ZNF2: variants seen among roughly 807,000 people sequenced by gnomAD.
ZNF2 encodes zinc finger protein 2.2.
In ZNF2, 12 loss-of-function variants were observed where a neutral mutation model predicts 21.9. That is an observed-to-expected ratio of 0.55 (90% CI 0.35 to 0.89). ZNF2 has a LOEUF of 0.89. Ranked by LOEUF, ZNF2 falls within the 40% of genes least tolerant of loss-of-function variation. The pLI is 0.01. For missense variants in ZNF2, 462 were observed against 544.2 expected, an observed-to-expected ratio of 0.85 and a Z score of 1.50; for synonymous variants, 186 against 196.3, an observed-to-expected ratio of 0.95 and a Z score of 0.44.
chr2:95,181,458 C>T lies in ZNF2; in HGVS notation c.630C>T (p.Phe210=), dbSNP rs747317826. 2 of 1,614,028 alleles carry T rather than the reference C, an allele frequency of 1.2e-6. No individual in the cohort carries two copies. Among genetic ancestry groups the T allele is most frequent in the Non-Finnish European group, 1.7e-6 (2 of 1,179,984 alleles). Residue 210 remains phenylalanine, a synonymous_variant, in exon 5 of 5, where the codon TTC becomes TTT. Transcript: ENST00000614034. The part of the protein sequence containing the change: ...PYDCRECGKA[F]SHRSSLSRHL... ...ACTGCCGCGAGTGTGGGAAAGCCTT[C>T]AGCCACAGGAGCAGCCTCAGCAGAC...
At chr2:95,173,232 T>C (rs145239291) in intron 1 of ZNF2, among the ~76,000 whole-genome samples, 17 of 152,150 alleles carry the variant, frequency 1.1e-4, no homozygotes, top group African/African-American at 9.6e-5. Flanking sequence ...ATGTATAATA[T>C]TCATATATAA....
intron 4 of ZNF2, among the ~76,000 whole-genome samples, 162 bp downstream of exon 4, chr2:95,180,434 T>TA (rs1266684174): frequency 3.3e-5 from 5 of 152,194 alleles, no homozygotes; most frequent in Non-Finnish European, 1.5e-5. Context: ...CTCTACACCT[T>TA]AACGTGTTAT....
Position 95,177,615 on chromosome 2 carries a change from G to A in ZNF2, c.160+6G>A, listed in dbSNP as rs1397414150. On this transcript the variant is annotated splice_donor_region_variant and intron_variant, in intron 3 of 4. Coordinates refer to ENST00000614034, the MANE Select transcript of ZNF2 (RefSeq NM_021088.4). ...TAACAGCATTGTGTCATTGGGTAAG[G>A]GGAGCCTCCATGAGGAGGTACAGTC... 4 of 1,613,182 alleles carry A rather than the reference G, an allele frequency of 2.5e-6. No individual in the cohort carries two copies. The highest frequency in any genetic ancestry group is 3.4e-6 in the Non-Finnish European group (4 of 1,179,638).
intron 1 of ZNF2, among the ~76,000 whole-genome samples, chr2:95,172,747 C>G (rs1674321371): frequency 6.6e-6 from 1 of 151,714 alleles, no homozygotes; most frequent in South Asian, 2.1e-4. Context: ...AGCAATTCTC[C>G]TGCCTCAGCC....
At chr2:95,174,947 T>C (rs1246061119) in intron 1 of ZNF2, among the ~76,000 whole-genome samples, 2 of 152,206 alleles carry the variant, frequency 1.3e-5, no homozygotes, top group Non-Finnish European at 2.9e-5. Context: ...ACCGCAAATA[T>C]GCCTTTTCCT....
chr2:95,179,201 A>T (rs889021398), intron 3 of ZNF2, among the ~76,000 whole-genome samples: 1 of 152,142 alleles, frequency 6.6e-6, no homozygotes, highest in African/African-American at 2.4e-5. Context: ...CATGTTGGCC[A>T]GGCTGGTCTT....
Position 95,182,028 on chromosome 2 carries a change from T to A in ZNF2, c.1200T>A (p.Thr400=). The A allele has an allele frequency of 6.2e-7, 1 of 1,614,112 alleles. No homozygotes were observed. Among genetic ancestry groups the A allele is most frequent in the Non-Finnish European group, 8.5e-7 (1 of 1,179,912 alleles). Residue 400 remains threonine (T), a synonymous_variant, in exon 5 of 5, where the codon ACT becomes ACA. Transcript: ENST00000614034. Reference sequence around the variant, plus strand: ...CGGGAGAGAAGCCCTTTGAATGCACTGTGTGTGGGAAAGTTTTCAGTTCAA... The same window carrying A: ...CGGGAGAGAAGCCCTTTGAATGCACAGTGTGTGGGAAAGTTTTCAGTTCAA... The part of the protein sequence containing the change: ...VHTGEKPFEC[T]VCGKVFSSKS...
chr2:95,169,140 C>G (rs1674187790), intron 1 of ZNF2, among the ~76,000 whole-genome samples: 1 of 152,162 alleles, frequency 6.6e-6, no homozygotes, highest in Admixed American at 6.5e-5. Flanking sequence ...ACTGAAGTGA[C>G]TGCTGGTGGA....
In ZNF2 at chr2:95,182,583, G is replaced by A. The variant is rs1249334994; in HGVS notation, c.*477G>A. ...AGACCTCTTACTTCCACTGCTAGTA[G>A]CTAGCACTTACTGAGCACCTGCGAT... On this transcript the variant is annotated 3_prime_UTR_variant, in exon 5 of 5. Coordinates refer to ENST00000614034, the MANE Select transcript of ZNF2 (RefSeq NM_021088.4). 1 of 157,854 alleles carries A rather than the reference G, an allele frequency of 6.3e-6. No individual in the cohort carries two copies. The highest frequency in any genetic ancestry group is 1.9e-4 in the East Asian group (1 of 5,340). The allele number at this position is 157,854 out of a possible 1,614,324, so 9.8% of individuals were successfully genotyped here. A position where few individuals can be genotyped will look rare whatever the true frequency, so the allele number is the denominator to read the frequency against.
chr2:95,174,600 A>G (rs1201251254), intron 1 of ZNF2, among the ~76,000 whole-genome samples: 1 of 152,060 alleles, frequency 6.6e-6, no homozygotes, highest in Non-Finnish European at 1.5e-5. Flanking sequence ...ACAAATGAAA[A>G]CTTAGCTTAG....
intron 1 of ZNF2, among the ~76,000 whole-genome samples, chr2:95,167,527 GAAA>G (rs1573390816): frequency 7.1e-6 from 1 of 141,766 alleles, no homozygotes; most frequent in South Asian, 2.2e-4. Flanking sequence ...AAAAAAAAAA[GAAA>G]GAAATAGAGA....
chr2:95,170,380 G>A (rs772101857), intron 1 of ZNF2, among the ~76,000 whole-genome samples: 57 of 151,912 alleles, frequency 3.8e-4, no homozygotes, highest in Non-Finnish European at 6.8e-4. Flanking sequence ...TGCTTTTCAC[G>A]TAGTTTTTGC....
intron 1 of ZNF2, among the ~76,000 whole-genome samples, chr2:95,166,531 T>C (rs756097570): frequency 2.0e-5 from 3 of 152,030 alleles, no homozygotes; most frequent in Non-Finnish European, 2.9e-5. Context: ...ATGAAACTAT[T>C]TGGAGACAGT....
At chr2:95,172,097 A>G (rs1296920731) in intron 1 of ZNF2, among the ~76,000 whole-genome samples, 3 of 152,200 alleles carry the variant, frequency 2.0e-5, no homozygotes, top group Non-Finnish European at 4.4e-5. Context: ...AAATGCAGCA[A>G]CAAGTGTGAT....
intron 3 of ZNF2, 87 bp from the exon 4 acceptor site, chr2:95,180,072 A>G (rs1558715440): frequency 1.1e-6 from 1 of 948,404 alleles, no homozygotes; most frequent in East Asian, 2.4e-5. Flanking sequence ...CAACAAAAAA[A>G]TCTTAGAGGC....
intron 1 of ZNF2, among the ~76,000 whole-genome samples, chr2:95,169,091 G>A (rs530568580): frequency 6.6e-6 from 1 of 152,322 alleles, no homozygotes; most frequent in South Asian, 2.1e-4. Flanking sequence ...CTCCCTGTGA[G>A]TTTGGTGGAT....
chr2:95,172,698 G>A (rs757776004), intron 1 of ZNF2, among the ~76,000 whole-genome samples: 4 of 149,534 alleles, frequency 2.7e-5, no homozygotes, highest in Admixed American at 6.7e-5. Flanking sequence ...GTGCAGTGGC[G>A]TGAGCTCAGC....
At chr2:95,171,543 T>A (rs1370350542) in intron 1 of ZNF2, among the ~76,000 whole-genome samples, 4 of 151,924 alleles carry the variant, frequency 2.6e-5, no homozygotes, top group Non-Finnish European at 5.9e-5. Flanking sequence ...CCACGGTGCC[T>A]GGCTAATTTT....
intron 1 of ZNF2, among the ~76,000 whole-genome samples, chr2:95,168,915 A>G (rs892740892): frequency 2.6e-5 from 4 of 152,234 alleles, no homozygotes. Flanking sequence ...GAGGTTTGGA[A>G]TAGCCATGTA....
Sources: allele counts gnomAD v4.1 joint callset (sites outside exome capture counted in the v4.1 genomes callset), GRCh38; gene constraint gnomAD v4.1.1; transcripts MANE v1.5; gene names NCBI Gene and HGNC (gene_info 2026-07-23, HGNC 2026-07-21).